The following TTC7A variants were observed in gnomAD, a reference collection of about 807,000 sequenced individuals.
The protein encoded by TTC7A is tetratricopeptide repeat protein 7A.
In TTC7A, 110 loss-of-function variants were observed where a neutral mutation model predicts 103.7. That is an observed-to-expected ratio of 1.06 (90% CI 0.91 to 1.24). The LOEUF (loss-of-function observed/expected upper bound fraction) is 1.24. Among genes scored for constraint, TTC7A ranks in the 50% most tolerant of loss-of-function variants. The pLI is 0.00. For synonymous variants in TTC7A, 521 were observed against 467.9 expected (o/e 1.11, Z -1.47); for missense variants, 1,340 against 1,116.3 (o/e 1.20, Z -2.86).
intron 7 of TTC7A, 138 bp from the exon 8 acceptor site, chr2:46,994,998 G>T: frequency 2.7e-6 from 2 of 751,996 alleles, no homozygotes; most frequent in South Asian, 1.6e-5. Context: ...TATGGTATCC[G>T]GTGCCCATGA....
At chr2:46,918,220 T>G (rs1001167704) in intron 2 of TTC7A, among the ~76,000 whole-genome samples, 1 of 152,232 alleles carries the variant, frequency 6.6e-6, no homozygotes, top group Non-Finnish European at 1.5e-5. Context: ...TTAGTAAATG[T>G]CACTGGTACT....
At chr2:46,915,908 G>C (rs1411595218), upstream of TTC7A, 2 of 985,004 alleles carry the variant, frequency 2.0e-6, no homozygotes, top group Non-Finnish European at 2.4e-6. Context: ...GGCGGGCTGT[G>C]AGGACGGCTC....
intron 19 of TTC7A, among the ~76,000 whole-genome samples, chr2:47,072,695 G>A (rs766916054): frequency 3.3e-5 from 5 of 152,132 alleles, no homozygotes; most frequent in Non-Finnish European, 7.4e-5. Flanking sequence ...TTTACCTCCC[G>A]TCTTGGAACA....
chr2:47,018,213 G>T (rs952655278), intron 11 of TTC7A, among the ~76,000 whole-genome samples: 2 of 151,440 alleles, frequency 1.3e-5, no homozygotes, highest in Non-Finnish European at 2.9e-5. Context: ...GGAGGCAGAG[G>T]TTGCAGTGAG....
chr2:46,923,972 G>A (rs1669249061), intron 2 of TTC7A, among the ~76,000 whole-genome samples: 1 of 151,850 alleles, frequency 6.6e-6, no homozygotes, highest in South Asian at 2.1e-4. Flanking sequence ...CTGACCTCAG[G>A]TGATCCACCC....
chr2:46,947,327 A>G (rs1023039197), intron 1 of TTC7A, among the ~76,000 whole-genome samples: 1 of 152,214 alleles, frequency 6.6e-6, no homozygotes, highest in Admixed American at 6.5e-5. Context: ...TGTCTGGCCC[A>G]TACTAAGCCT....
intron 2 of TTC7A, among the ~76,000 whole-genome samples, chr2:46,930,720 G>A (rs373328381): frequency 2.0e-5 from 3 of 151,834 alleles, no homozygotes; most frequent in African/African-American, 4.8e-5. Flanking sequence ...AGCTGGTCTC[G>A]AACTCCTGAC....
At chr2:46,966,935 G>A (rs954138955) in intron 3 of TTC7A, among the ~76,000 whole-genome samples, 6 of 150,100 alleles carry the variant, frequency 4.0e-5, no homozygotes, top group East Asian at 1.9e-4. Context: ...TGTGTTGGCC[G>A]GGCGCGGTGG....
intron 5 of TTC7A, among the ~76,000 whole-genome samples, chr2:46,987,809 C>CGTGTGTGTGTGTGTGTGTGT (rs34664382): frequency 2.9e-4 from 42 of 144,640 alleles, no homozygotes; most frequent in African/African-American, 8.8e-4. Flanking sequence ...CCTTTCCGCG[C>CGTGTGTGTGTGTGTGTGTGT]GTGTGTGTGT....
At chr2:46,988,438 G>C (rs1675272856) in intron 5 of TTC7A, among the ~76,000 whole-genome samples, 1 of 152,204 alleles carries the variant, frequency 6.6e-6, no homozygotes, top group Non-Finnish European at 1.5e-5. Context: ...ATGCTCTTCT[G>C]GGTCTTTGAC....
chr2:46,938,265 G>A (rs1340681868), upstream of TTC7A, among the ~76,000 whole-genome samples: 2 of 152,120 alleles, frequency 1.3e-5, no homozygotes, highest in South Asian at 2.1e-4. Context: ...TCTCTAAAAC[G>A]TAAAGGACAA....
intron 19 of TTC7A, among the ~76,000 whole-genome samples, chr2:47,069,132 T>A (rs568516704): frequency 1.3e-5 from 2 of 151,894 alleles, no homozygotes; most frequent in African/African-American, 4.8e-5. Flanking sequence ...TGCTCCAGGA[T>A]GGGTAGAGGC....
chr2:46,962,064 A>T (rs939505652), intron 3 of TTC7A, among the ~76,000 whole-genome samples: 4 of 152,120 alleles, frequency 2.6e-5, no homozygotes, highest in African/African-American at 9.7e-5. Context: ...AAGCCTCTTG[A>T]GTACAGGTGG....
Position 47,051,881 on chromosome 2 carries a change from G to T in TTC7A, c.2152+1G>T. On this transcript the variant is annotated splice_donor_variant, in intron 18 of 19. Transcript: ENST00000319190. LOFTEE classifies it high-confidence loss of function. ...CTGGAACAGATCTGGCTGCAGGCTG[G>T]TGAGTGCCCTGGTCCCAGTGACACA... is the stretch of plus-strand genomic sequence containing the variant. 3 of 1,607,700 alleles carry T rather than the reference G, an allele frequency of 1.9e-6. No individual in the cohort carries two copies. The highest frequency in any genetic ancestry group is 2.5e-6 in the Non-Finnish European group (3 of 1,177,430).
Position 47,046,333 on chromosome 2 carries a change from G to C in TTC7A, c.1821G>C (p.Val607=). ...PENFNLMFTK[V]KLEQVLKGPE... ...CCCACAGCCTGATGTTCACCAAGGTGAAGCTGGAGCAGGTGCTGAAAGGCC... is the reference window on the plus strand; with the variant it reads ...CCCACAGCCTGATGTTCACCAAGGTCAAGCTGGAGCAGGTGCTGAAAGGCC... The change falls in exon 16 of 20, where the codon GTG becomes GTC. Residue 607 remains valine (V), a synonymous_variant. Transcript: ENST00000319190. 4 of 1,614,116 alleles carry C rather than the reference G, an allele frequency of 2.5e-6. No homozygotes were observed. The South Asian group carries it at 4.4e-5, about 18-fold the overall frequency.
chr2:47,009,684 C>T (rs1677816718), intron 10 of TTC7A, among the ~76,000 whole-genome samples: 1 of 152,060 alleles, frequency 6.6e-6, no homozygotes, highest in South Asian at 2.1e-4. Flanking sequence ...TCCTTCTGTA[C>T]CTCCAGAGTT....
chr2:46,942,636 G>C (rs759609628), intron 1 of TTC7A, among the ~76,000 whole-genome samples: 2 of 152,148 alleles, frequency 1.3e-5, no homozygotes, highest in Non-Finnish European at 2.9e-5. Context: ...AGGTACTCTT[G>C]TTTGTCCCAC....
rs765420930 is a variant in TTC7A at position 46,944,111 on chromosome 2, G to A, written c.184+2386G>A. Among the ~76,000 whole-genome samples, 12 of 152,282 alleles carry A rather than the reference G, an allele frequency of 7.9e-5. No individual in the cohort carries two copies. The Middle Eastern group carries it at 0.01, about 129-fold the overall frequency. ...CCGGTCTAGATTAGGTCAGGATGGA[G>A]CAGGGGAACCCCAGAGTCCTGCTTG... On this transcript the variant is annotated intron_variant, in intron 1 of 19. Transcript: ENST00000319190.
intron 12 of TTC7A, among the ~76,000 whole-genome samples, chr2:47,022,629 A>G (rs1255068725): frequency 6.6e-6 from 1 of 152,060 alleles, no homozygotes; most frequent in East Asian, 1.9e-4. Flanking sequence ...CAAACCTGGA[A>G]TAGTAATCAG....
Sources: allele counts gnomAD v4.1 joint callset (sites outside exome capture counted in the v4.1 genomes callset), GRCh38; gene constraint gnomAD v4.1.1; transcripts MANE v1.5; gene names NCBI Gene and HGNC (gene_info 2026-07-23, HGNC 2026-07-21).